MGST1: variants seen among roughly 807,000 people sequenced by gnomAD.
MGST1 encodes microsomal glutathione S-transferase 1.
Under a neutral mutation model 8.9 loss-of-function variants are expected in MGST1, and 5 were observed. The observed-to-expected ratio is 0.56, with a 90% confidence interval of 0.29 to 1.19. The LOEUF (loss-of-function observed/expected upper bound fraction) is 1.19. Ranked by LOEUF, MGST1 falls within the 50% of genes most tolerant of loss-of-function variation. The pLI is 0.08. For missense variants in MGST1, 182 were observed against 187.4 expected, an observed-to-expected ratio of 0.97 and a Z score of 0.17; for synonymous variants, 54 against 67.8, an observed-to-expected ratio of 0.80 and a Z score of 1.00.
chr12:16,405,038 G>A (rs920332515), intron 1 of MGST1, among the ~76,000 whole-genome samples: 7 of 152,256 alleles, frequency 4.6e-5, no homozygotes, highest in Admixed American at 1.3e-4. Context: ...GCAGTGTTAA[G>A]AGGGAAGTTT....
At position 16,584,353 on chromosome 12, in the gene MGST1, G is replaced by A. The variant is rs545529901; in HGVS notation, n.483-5175G>A. Among the ~76,000 whole-genome samples, 74 of 152,250 alleles carry A rather than the reference G, an allele frequency of 4.9e-4. No individual in the cohort carries two copies. Among genetic ancestry groups the A allele is most frequent in the African/African-American group, 1.7e-3 (72 of 41,538 alleles). On this transcript the variant is annotated intron_variant and non_coding_transcript_variant, in intron 4 of 4. Transcript: ENST00000538857. This position sits in a 1 kb window ranked among gnomAD's most constrained non-coding sequence, Gnocchi z 5.2. ...AAAGAAAAGTTGCCTCCTTAAAGGAGAGGCAAGTTTCAGGTAAGGCAACAG... is the reference window on the plus strand; with the variant it reads ...AAAGAAAAGTTGCCTCCTTAAAGGAAAGGCAAGTTTCAGGTAAGGCAACAG...
chr12:16,433,302 A>G (rs546845967), intron 1 of MGST1, among the ~76,000 whole-genome samples: 6 of 152,112 alleles, frequency 3.9e-5, no homozygotes, highest in Admixed American at 6.5e-5. Flanking sequence ...TTCCCAGTCC[A>G]CTGACTCAAA....
In MGST1 at chr12:16,458,646, A is replaced by G. The variant is rs1941196598; in HGVS notation, n.482+75042A>G. Reference sequence around the variant, plus strand: ...GTATGAAAATGAAATTATATATTATAAACATGGAATATCAGTAGGTAGGCA... The same window carrying G: ...GTATGAAAATGAAATTATATATTATGAACATGGAATATCAGTAGGTAGGCA... On this transcript the variant is annotated intron_variant and non_coding_transcript_variant, in intron 4 of 4. Transcript: ENST00000538857. The surrounding 1 kb of genome is among the most constrained non-coding windows in gnomAD (Gnocchi z 4.0). Among the ~76,000 whole-genome samples the G allele has an allele frequency of 6.6e-6, 1 of 152,066 alleles. No individual in the cohort carries two copies. The highest frequency in any genetic ancestry group is 1.5e-5 in the Non-Finnish European group (1 of 67,972).
rs532025072 is a variant in MGST1, at chr12:16,585,166, C to T, written n.483-4362C>T. On this transcript the variant is annotated intron_variant and non_coding_transcript_variant, in intron 4 of 4. Transcript: ENST00000538857. This position sits in a 1 kb window ranked among gnomAD's most constrained non-coding sequence, Gnocchi z 4.7. ...GGCGCATGCAAGCCCCAGTTCACAA[C>T]GTTATTTTTCCTTCCAGACTCCGGA... is the stretch of plus-strand genomic sequence containing the variant. 1.3e-5 allele frequency among the ~76,000 whole-genome samples: 2 copies of T among 152,284 alleles called. No homozygotes were observed. Among genetic ancestry groups the T allele is most frequent in the African/African-American group, 4.8e-5 (2 of 41,564 alleles).
At chr12:16,349,980 G>A (rs531070794) in intron 1 of MGST1, among the ~76,000 whole-genome samples, 3 of 152,124 alleles carry the variant, frequency 2.0e-5, no homozygotes, top group South Asian at 2.1e-4. Flanking sequence ...TCCTGACCTC[G>A]TGATCTGCCC....
At chr12:16,536,247 G>A (rs541685798) in intron 4 of MGST1, among the ~76,000 whole-genome samples, 5 of 152,064 alleles carry the variant, frequency 3.3e-5, no homozygotes, top group Non-Finnish European at 7.4e-5. Context: ...AGATTTATAC[G>A]CTGACTTTGA....
chr12:16,378,705 G>C (rs1591711923), downstream of MGST1, among the ~76,000 whole-genome samples: 2 of 148,744 alleles, frequency 1.3e-5, 1 homozygote, highest in Middle Eastern at 6.9e-3. Context: ...TAGCTTGATG[G>C]GGATGGCATT....
chr12:16,522,140 G>C (rs558639780), intron 4 of MGST1, among the ~76,000 whole-genome samples: 159 of 152,208 alleles, frequency 1.0e-3, no homozygotes, highest in African/African-American at 3.1e-3. Flanking sequence ...TGAAGCGCTC[G>C]TACATAGGTT....
chr12:16,536,251 A>C (rs1341472489), intron 4 of MGST1, among the ~76,000 whole-genome samples: 1 of 152,196 alleles, frequency 6.6e-6, no homozygotes, highest in African/African-American at 2.4e-5. Context: ...TTATACGCTG[A>C]CTTTGAAGCA....
At chr12:16,472,070 C>T (rs1409732417) in intron 4 of MGST1, among the ~76,000 whole-genome samples, 3 of 152,130 alleles carry the variant, frequency 2.0e-5, no homozygotes. Flanking sequence ...TAGTTCCTTC[C>T]TTACCTGTCC....
rs777114912 is a variant in MGST1 at position 16,585,821 on chromosome 12, C to T, written n.483-3707C>T. On this transcript the variant is annotated intron_variant and non_coding_transcript_variant, in intron 4 of 4. Coordinates refer to the MGST1 transcript ENST00000538857. This position sits in a 1 kb window ranked among gnomAD's most constrained non-coding sequence, Gnocchi z 4.7. ...TAGAAAGTAAATTTGATCTGGGCTT[C>T]CCAGGAAACAAAGAAAAGAGGGAAA... Among the ~76,000 whole-genome samples, 2 of 152,090 alleles carry T rather than the reference C, an allele frequency of 1.3e-5. No homozygotes were observed. Among genetic ancestry groups the T allele is most frequent in the Non-Finnish European group, 2.9e-5 (2 of 68,026 alleles).
rs577053443 is a variant in MGST1, at chr12:16,541,860, A to T, written n.483-47668A>T. On this transcript the variant is annotated intron_variant and non_coding_transcript_variant, in intron 4 of 4. Transcript: ENST00000538857. ...TCGTAAGTTTCGGTAAGCCAAGTATATCAGGCAGGGGTTGCTTTTGACTAC... is the reference window on the plus strand; with the variant it reads ...TCGTAAGTTTCGGTAAGCCAAGTATTTCAGGCAGGGGTTGCTTTTGACTAC... 3.9e-5 allele frequency among the ~76,000 whole-genome samples: 6 copies of T among 152,306 alleles called. No homozygotes were observed. The South Asian group carries it at 6.2e-4, about 16-fold the overall frequency.
intron 1 of MGST1, among the ~76,000 whole-genome samples, chr12:16,403,906 T>C (rs1042344482): frequency 1.3e-5 from 2 of 152,138 alleles, no homozygotes; most frequent in Admixed American, 6.5e-5. Context: ...CCTCTACTGA[T>C]CTCTCCTTTG....
rs1479326065 is a variant in MGST1, at chr12:16,362,984, A to G, written c.222-811A>G. On this transcript the variant is annotated intron_variant, in intron 3 of 3. Coordinates refer to ENST00000396210, the MANE Select transcript of MGST1 (RefSeq NM_020300.5). The surrounding 1 kb of genome is among the most constrained non-coding windows in gnomAD (Gnocchi z 4.4). ...ATAATAATAAAAATGTCAAGTCCATAGTAGATGTGTTTTGTATTCGGTCTT... is the reference window on the plus strand; with the variant it reads ...ATAATAATAAAAATGTCAAGTCCATGGTAGATGTGTTTTGTATTCGGTCTT... The G allele has an allele frequency of 2.6e-5, 4 of 152,148 alleles. No individual in the cohort carries two copies. Among genetic ancestry groups the G allele is most frequent in the Non-Finnish European group, 5.9e-5 (4 of 68,020 alleles). 9.4% of individuals were successfully genotyped at this position (152,148 alleles called of 1,614,324 possible). A position where few individuals can be genotyped will look rare whatever the true frequency, so the allele number is the denominator to read the frequency against.
intron 4 of MGST1, among the ~76,000 whole-genome samples, chr12:16,488,803 C>G (rs936864774): frequency 2.0e-5 from 3 of 152,014 alleles, no homozygotes; most frequent in Non-Finnish European, 4.4e-5. Context: ...TTCTCCACCG[C>G]TTAAATGGAC....
At chr12:16,533,921 G>A (rs566243345) in intron 4 of MGST1, among the ~76,000 whole-genome samples, 3 of 152,206 alleles carry the variant, frequency 2.0e-5, no homozygotes, top group Non-Finnish European at 2.9e-5. Context: ...CCAGGCAGAG[G>A]GAACAGCATA....
intron 4 of MGST1, among the ~76,000 whole-genome samples, chr12:16,583,236 A>G (rs1005834733): frequency 6.6e-6 from 1 of 152,168 alleles, no homozygotes; most frequent in Non-Finnish European, 1.5e-5. Flanking sequence ...GGTGAGAGAC[A>G]GAAGCCAGAT....
rs891989275 is a variant in MGST1, at chr12:16,576,497, T to A, written n.483-13031T>A. On this transcript the variant is annotated intron_variant and non_coding_transcript_variant, in intron 4 of 4. Coordinates refer to the MGST1 transcript ENST00000538857. This position sits in a 1 kb window ranked among gnomAD's most constrained non-coding sequence, Gnocchi z 4.1. ...GATCTATGAAGCCTCTCTGATTTCC[T>A]TGAGGCAGAATAAATAACACACTTC... 6.6e-6 allele frequency among the ~76,000 whole-genome samples: 1 copy of A among 152,216 alleles called. No homozygotes were observed. Among genetic ancestry groups the A allele is most frequent in the African/African-American group, 2.4e-5 (1 of 41,444 alleles).
intron 4 of MGST1, among the ~76,000 whole-genome samples, chr12:16,564,528 A>G (rs1387352951): frequency 1.3e-5 from 2 of 152,226 alleles, no homozygotes; most frequent in African/African-American, 4.8e-5. Context: ...TACTACAGGC[A>G]TCAGGGGAAA....
Sources: allele counts gnomAD v4.1 joint callset (sites outside exome capture counted in the v4.1 genomes callset), GRCh38; gene constraint gnomAD v4.1.1; non-coding constraint Gnocchi (gnomAD v3.1); transcripts MANE v1.5; gene names NCBI Gene and HGNC (gene_info 2026-07-23, HGNC 2026-07-21).